Variants in CA10 observed in about 807,000 individuals in gnomAD.
CA10 encodes carbonic anhydrase 10 (inactive).
A neutral mutation model predicts 44.2 loss-of-function variants in CA10; 14 were observed. That is an observed-to-expected ratio of 0.32 (90% CI 0.21 to 0.50). CA10 has a LOEUF of 0.50. CA10 is among the 20% of genes least tolerant of loss of function. CA10 has a pLI of 0.99. For synonymous variants in CA10, 159 were observed against 141.6 expected (o/e 1.12, Z -0.87); for missense variants, 350 against 409.7 (o/e 0.85, Z 1.26).
At chr17:52,113,566 A>G (rs1191914844) in intron 1 of CA10, among the ~76,000 whole-genome samples, 1 of 152,218 alleles carries the variant, frequency 6.6e-6, no homozygotes, top group East Asian at 1.9e-4. Flanking sequence ...CAATGACAGT[A>G]CAAGACAACA....
intron 3 of CA10, among the ~76,000 whole-genome samples, chr17:51,858,436 C>T (rs1274002953): frequency 6.6e-6 from 1 of 152,130 alleles, no homozygotes; most frequent in Admixed American, 6.6e-5. Context: ...TTTTCCTGAA[C>T]AGATTTCAAG....
rs773026848 is a variant in CA10 at position 51,747,758 on chromosome 17, A to C, written c.340T>G (p.Leu114Val). 18 of 1,614,148 alleles carry C rather than the reference A, an allele frequency of 1.1e-5. No individual in the cohort carries two copies. Among genetic ancestry groups the C allele is most frequent in the Non-Finnish European group, 1.4e-5 (17 of 1,179,988 alleles). Residue 114 changes from leucine (L) to valine (V), a missense_variant, in exon 4 of 9, where the codon TTG becomes GTG. By Grantham distance (32) the Leu-to-Val change is conservative (BLOSUM62 1). Coordinates refer to ENST00000451037, the MANE Select transcript of CA10 (RefSeq NM_020178.5). ...ATGGGCCCTCCAGATATGTTGACCA[A>C]GTGCTCCTTGTCCAGGCGAAGGGAT... The part of the protein sequence containing the change: ...HVSLRLDKEH[L>V]VNISGGPMTY...
chr17:52,012,982 C>T (rs959327292), intron 2 of CA10, among the ~76,000 whole-genome samples: 5 of 151,876 alleles, frequency 3.3e-5, no homozygotes, highest in African/African-American at 1.2e-4. Context: ...ACTTGCTGGC[C>T]AAGGTGTACA....
At position 51,633,650 on chromosome 17, in the gene CA10, T is replaced by A. The variant is rs1567781866; in HGVS notation, c.790A>T (p.Met264Leu). Reference protein sequence around the residue: ...NKPVYITRMQMHSLRLLSQNQ... With the variant: ...NKPVYITRMQLHSLRLLSQNQ... Reference sequence around the variant, plus strand: ...TGGCTGAGCAGGCGCAAGGAATGCATCTGAGGAGAGAGAAGTGGCCGTGAG... The same window carrying A: ...TGGCTGAGCAGGCGCAAGGAATGCAACTGAGGAGAGAGAAGTGGCCGTGAG... The change falls in exon 8 of 9, where the codon ATG becomes TTG. Residue 264 changes from methionine (M) to leucine (L), a missense_variant and splice_region_variant. By Grantham distance (15) the Met-to-Leu change is conservative. Coordinates refer to ENST00000451037, the MANE Select transcript of CA10 (RefSeq NM_020178.5). The A allele has an allele frequency of 6.2e-7, 1 of 1,612,606 alleles. No individual in the cohort carries two copies. Among genetic ancestry groups the A allele is most frequent in the Non-Finnish European group, 8.5e-7 (1 of 1,179,188 alleles).
At chr17:51,737,133 G>A (rs540710367) in intron 4 of CA10, among the ~76,000 whole-genome samples, 12 of 152,164 alleles carry the variant, frequency 7.9e-5, no homozygotes, top group African/African-American at 1.2e-4. Flanking sequence ...AGGTCACTCA[G>A]TGCATAGCTG....
intron 2 of CA10, among the ~76,000 whole-genome samples, chr17:52,028,432 C>A (rs1228075748): frequency 1.3e-5 from 2 of 152,172 alleles, no homozygotes; most frequent in Non-Finnish European, 2.9e-5. Flanking sequence ...CTTCAAAACA[C>A]TTCATGCTTT....
chr17:52,118,054 T>C (rs1399383592), intron 1 of CA10, among the ~76,000 whole-genome samples: 1 of 152,212 alleles, frequency 6.6e-6, no homozygotes, highest in Non-Finnish European at 1.5e-5. Context: ...ATCTGCTCTT[T>C]AGCAAAATTT....
At chr17:51,851,424 G>C (rs902996472) in intron 3 of CA10, among the ~76,000 whole-genome samples, 17 of 152,168 alleles carry the variant, frequency 1.1e-4, no homozygotes, top group African/African-American at 4.1e-4. Flanking sequence ...GTGCCATCTT[G>C]CCTCAGTTTC....
intron 3 of CA10, among the ~76,000 whole-genome samples, chr17:51,757,324 A>G (rs2519748): frequency 0.43 from 65,464 of 152,058 alleles, 14,721 homozygotes; most frequent in Middle Eastern, 0.54. Flanking sequence ...CATTGGCTTC[A>G]GTGCAGCATA....
At chr17:51,918,466 A>T (rs932819604) in intron 3 of CA10, among the ~76,000 whole-genome samples, 2 of 152,208 alleles carry the variant, frequency 1.3e-5, no homozygotes, top group Non-Finnish European at 2.9e-5. Context: ...TATTAGATAT[A>T]ACGTACCAAA....
In CA10 at chr17:52,119,566, C is replaced by A. The variant is rs1025058870; in HGVS notation, c.61+38160G>T. Reference sequence around the variant, plus strand: ...TATGCAACTCAGGTATTTGAGGGTACAAACTCATGGCTGGGCTCAGCTTTA... The same window carrying A: ...TATGCAACTCAGGTATTTGAGGGTAAAAACTCATGGCTGGGCTCAGCTTTA... On this transcript the variant is annotated intron_variant, in intron 1 of 8. Transcript: ENST00000451037. Among the ~76,000 whole-genome samples the A allele has an allele frequency of 3.9e-5, 6 of 152,032 alleles. No homozygotes were observed. In the East Asian group the frequency reaches 1.2e-3, roughly 29 times the overall value.
chr17:51,947,339 A>C (rs545502070), intron 2 of CA10, among the ~76,000 whole-genome samples: 2 of 151,826 alleles, frequency 1.3e-5, no homozygotes, highest in South Asian at 2.1e-4. Flanking sequence ...TGAATGGGAG[A>C]GCCTCATAAA....
intron 4 of CA10, among the ~76,000 whole-genome samples, chr17:51,673,649 A>G (rs992757726): frequency 3.3e-5 from 5 of 152,150 alleles, no homozygotes; most frequent in Non-Finnish European, 5.9e-5. Context: ...CTCTCACCTT[A>G]TTATTGCATC....
At chr17:52,127,198 T>C (rs1194344885) in intron 1 of CA10, among the ~76,000 whole-genome samples, 1 of 152,220 alleles carries the variant, frequency 6.6e-6, no homozygotes, top group East Asian at 1.9e-4. Flanking sequence ...GGATTTTACA[T>C]AAATAGCACG....
At chr17:51,791,101 T>C (rs1408016933) in intron 3 of CA10, among the ~76,000 whole-genome samples, 4 of 152,332 alleles carry the variant, frequency 2.6e-5, no homozygotes, top group Admixed American at 2.6e-4. Context: ...AAAGCACTTT[T>C]GGAAAGATAA....
At chr17:52,041,232 G>A (rs1986760889) in intron 2 of CA10, among the ~76,000 whole-genome samples, 1 of 152,124 alleles carries the variant, frequency 6.6e-6, no homozygotes. Context: ...AATTCAAAAT[G>A]GCAAGACATA....
Position 52,040,166 on chromosome 17 carries a change from A to T in CA10, c.136+32153T>A, listed in dbSNP as rs375737476. Among the ~76,000 whole-genome samples the T allele has an allele frequency of 5.2e-3, 712 of 137,250 alleles. 6 individuals are homozygous for T. The highest frequency in any genetic ancestry group is 0.018 in the African/African-American group (659 of 36,136). The allele number at this position is 137,250 out of a possible 152,430, so 90.0% of individuals were successfully genotyped here. ...TTTTCTTTTTTTTTTTTTTGGAGTC[A>T]TTCTCAAGTCACTTTCAAAATCAAT... On this transcript the variant is annotated intron_variant, in intron 2 of 8. Coordinates refer to ENST00000451037, the MANE Select transcript of CA10 (RefSeq NM_020178.5).
chr17:51,767,615 T>C (rs1227811902), intron 3 of CA10, among the ~76,000 whole-genome samples: 2 of 152,156 alleles, frequency 1.3e-5, no homozygotes, highest in Non-Finnish European at 2.9e-5. Context: ...TTTGGGATGA[T>C]CGAAGCACAT....
chr17:51,794,038 A>C (rs1043181123), intron 3 of CA10, among the ~76,000 whole-genome samples: 11 of 152,238 alleles, frequency 7.2e-5, no homozygotes, highest in African/African-American at 2.7e-4. Flanking sequence ...GGTGTTCGGA[A>C]AAAAGCTGAA....
Sources: allele counts gnomAD v4.1 joint callset (sites outside exome capture counted in the v4.1 genomes callset), GRCh38; gene constraint gnomAD v4.1.1; transcripts MANE v1.5; gene names NCBI Gene and HGNC (gene_info 2026-07-23, HGNC 2026-07-21).